Variants in MACROD2 observed in about 807,000 individuals in gnomAD.
MACROD2 encodes the protein mono-ADP ribosylhydrolase 2.
In MACROD2, 36 loss-of-function variants were observed where a neutral mutation model predicts 70.4. That is an observed-to-expected ratio of 0.51 (90% confidence interval 0.39 to 0.68). MACROD2 has a LOEUF of 0.68. Ranked by LOEUF, MACROD2 falls within the 30% of genes least tolerant of loss-of-function variation. The pLI is 0.00. For missense variants in MACROD2, 496 were observed against 538.4 expected (o/e 0.92, Z 0.78); for synonymous variants, 172 against 178.8 (o/e 0.96, Z 0.30).
At chr20:15,751,104 T>C (rs1293252920) in intron 8 of MACROD2, among the ~76,000 whole-genome samples, 1 of 151,898 alleles carries the variant, frequency 6.6e-6, no homozygotes, top group African/African-American at 2.4e-5. Flanking sequence ...TAAGATATGA[T>C]ATATTACAAA....
In MACROD2 at chr20:14,407,426, A is replaced by C. The variant is rs1256824153; in HGVS notation, c.272-86053A>C. Among the ~76,000 whole-genome samples, 5 of 151,582 alleles carry C rather than the reference A, an allele frequency of 3.3e-5. No homozygotes were observed. The East Asian group carries it at 9.7e-4, about 29-fold the overall frequency. The stretch of plus-strand genomic sequence containing the variant: ...TTTCTCTCTCTCTCTCCCACTCTCT[A>C]TCTTTTTTGAAATGAGCTGTCTTTG... On this transcript the variant is annotated intron_variant, in intron 3 of 17. Transcript: ENST00000684519.
intron 3 of MACROD2, among the ~76,000 whole-genome samples, chr20:14,240,184 A>T (rs1215387669): frequency 6.6e-6 from 1 of 152,176 alleles, no homozygotes; most frequent in African/African-American, 2.4e-5. Flanking sequence ...AAGTCAAAAA[A>T]ATAACACATG....
chr20:15,783,766 C>T (rs2051875090), intron 8 of MACROD2, among the ~76,000 whole-genome samples: 1 of 152,166 alleles, frequency 6.6e-6, no homozygotes, highest in African/African-American at 2.4e-5. Flanking sequence ...CCAGTTGCCT[C>T]TCTTTCCCCG....
intron 4 of MACROD2, among the ~76,000 whole-genome samples, chr20:14,531,418 C>T (rs1330508495): frequency 6.6e-6 from 1 of 152,094 alleles, no homozygotes; most frequent in Non-Finnish European, 1.5e-5. Context: ...CATGTGGTCC[C>T]AAGCAAAGGG....
At chr20:14,137,231 CAT>C (rs35841946) in intron 3 of MACROD2, among the ~76,000 whole-genome samples, 26,549 of 152,060 alleles carry the variant, frequency 0.17, 2,486 homozygotes, top group South Asian at 0.23. Context: ...TTGATTAACA[CAT>C]GTTTTGTAGG....
At chr20:15,851,801 T>A (rs2064301949) in intron 8 of MACROD2, among the ~76,000 whole-genome samples, 1 of 151,890 alleles carries the variant, frequency 6.6e-6, no homozygotes, top group Admixed American at 6.6e-5. Flanking sequence ...GTGGGTGAGG[T>A]GCCTGCTTCA....
chr20:14,664,415 C>G (rs1239819735), intron 4 of MACROD2, among the ~76,000 whole-genome samples: 1 of 152,136 alleles, frequency 6.6e-6, no homozygotes, highest in Non-Finnish European at 1.5e-5. Context: ...ACAACATTCT[C>G]TTTGAAAGAG....
intron 4 of MACROD2, among the ~76,000 whole-genome samples, chr20:14,502,461 A>AT (rs1230811727): frequency 6.6e-6 from 1 of 152,082 alleles, no homozygotes; most frequent in African/African-American, 2.4e-5. Context: ...AAAAGTCATT[A>AT]TTTTTTTAAT....
At chr20:14,684,039 G>T (rs1048547038) in intron 4 of MACROD2, among the ~76,000 whole-genome samples, 1 of 152,134 alleles carries the variant, frequency 6.6e-6, no homozygotes, top group African/African-American at 2.4e-5. Flanking sequence ...AATTTGTGAT[G>T]CCTGGATGTC....
intron 8 of MACROD2, among the ~76,000 whole-genome samples, chr20:15,700,359 C>T (rs1288170427): frequency 6.6e-6 from 1 of 152,176 alleles, no homozygotes; most frequent in African/African-American, 2.4e-5. Context: ...TGCAAGGACG[C>T]GGCACTGGCG....
intron 3 of MACROD2, among the ~76,000 whole-genome samples, chr20:14,148,467 T>C (rs2054970088): frequency 6.6e-6 from 1 of 152,202 alleles, no homozygotes; most frequent in African/African-American, 2.4e-5. Flanking sequence ...ATTAGGTCTT[T>C]TTTGGTGTCA....
chr20:15,759,263 C>T (rs940652535), intron 8 of MACROD2, among the ~76,000 whole-genome samples: 4 of 151,018 alleles, frequency 2.6e-5, no homozygotes, highest in African/African-American at 9.8e-5. Context: ...AGCGTTTTCA[C>T]TAAGAATATA....
intron 8 of MACROD2, among the ~76,000 whole-genome samples, chr20:15,517,627 G>A (rs565109567): frequency 2.6e-5 from 4 of 152,256 alleles, no homozygotes; most frequent in Admixed American, 2.6e-4. Flanking sequence ...TGAGCGAATG[G>A]GAGGGGGAGT....
chr20:15,606,385 T>C (rs6135459), intron 8 of MACROD2, among the ~76,000 whole-genome samples: 3,416 of 152,224 alleles, frequency 0.022, 47 homozygotes, highest in East Asian at 0.058. Flanking sequence ...CCACCTGGGA[T>C]GCTGTTTTTT....
At chr20:14,730,001 G>A (rs146652661) in intron 5 of MACROD2, among the ~76,000 whole-genome samples, 82 of 152,106 alleles carry the variant, frequency 5.4e-4, no homozygotes, top group Non-Finnish European at 9.7e-4. Context: ...TAGAAAATTA[G>A]CAAATAAAAT....
intron 8 of MACROD2, among the ~76,000 whole-genome samples, chr20:15,784,462 C>T (rs1237564865): frequency 2.0e-5 from 3 of 152,036 alleles, no homozygotes; most frequent in South Asian, 2.1e-4. Flanking sequence ...ATATTTGGCC[C>T]CTAATAGCTA....
intron 6 of MACROD2, among the ~76,000 whole-genome samples, chr20:15,428,431 A>T (rs553399457): frequency 6.6e-6 from 1 of 152,332 alleles, no homozygotes; most frequent in South Asian, 2.1e-4. Context: ...TGCAAGAAGA[A>T]CACTCTTGCA....
At chr20:14,920,659 A>G (rs1307173380) in intron 5 of MACROD2, among the ~76,000 whole-genome samples, 1 of 152,124 alleles carries the variant, frequency 6.6e-6, no homozygotes, top group Admixed American at 6.6e-5. Context: ...TCTAGTATAG[A>G]CCTTAAGCAT....
chr20:14,322,811 A>G (rs2082677097), intron 3 of MACROD2, among the ~76,000 whole-genome samples: 1 of 152,200 alleles, frequency 6.6e-6, no homozygotes, highest in Non-Finnish European at 1.5e-5. Context: ...AAGATTATAC[A>G]GTTTCCATGC....
Sources: gnomAD v4.1 joint callset for allele counts (sites outside exome capture counted in the v4.1 genomes callset) on GRCh38, gnomAD v4.1.1 for gene constraint, MANE v1.5 for transcripts, NCBI Gene and HGNC (gene_info 2026-07-23, HGNC 2026-07-21) for gene names.